FBXL17: variants seen among roughly 807,000 people sequenced by gnomAD.
FBXL17 encodes F-box/LRR-repeat protein 17.
A neutral mutation model predicts 66.2 loss-of-function variants in FBXL17; 22 were observed. The observed-to-expected ratio is 0.33, with a 90% CI of 0.24 to 0.47. The LOEUF (loss-of-function observed/expected upper bound fraction) is 0.47, where lower values mean the gene tolerates loss of function less well. FBXL17 is among the 20% of genes least tolerant of loss of function. The pLI is 1.00. For missense variants in FBXL17, 878 were observed against 948.2 expected, an observed-to-expected ratio of 0.93 and a Z score of 0.97; for synonymous variants, 474 against 400.5, an observed-to-expected ratio of 1.18 and a Z score of -2.19.
intron 7 of FBXL17, among the ~76,000 whole-genome samples, chr5:107,988,115 T>A (rs1753092845): frequency 6.6e-6 from 1 of 151,980 alleles, no homozygotes; most frequent in African/African-American, 2.4e-5. Flanking sequence ...TTTCTCATTT[T>A]AAAAAATATA....
chr5:108,039,838 A>G (rs1746981271), intron 6 of FBXL17, among the ~76,000 whole-genome samples: 1 of 152,154 alleles, frequency 6.6e-6, no homozygotes, highest in Admixed American at 6.5e-5. Context: ...GATGTTAGAA[A>G]ATGTAACAAA....
At chr5:108,297,069 C>A (rs1261966606) in intron 4 of FBXL17, among the ~76,000 whole-genome samples, 1 of 151,296 alleles carries the variant, frequency 6.6e-6, no homozygotes, top group Non-Finnish European at 1.5e-5. Flanking sequence ...ATATAAATCA[C>A]CTAACCTTCT....
rs774020789 is a variant in FBXL17 at position 107,880,926 on chromosome 5, A to C, written c.1965+111T>G. Reference sequence around the variant, plus strand: ...TTGCATATATACATATAAAATGTATATATAATATATAATACACGGGGGTGG... The same window carrying C: ...TTGCATATATACATATAAAATGTATCTATAATATATAATACACGGGGGTGG... On this transcript the variant is annotated intron_variant, in intron 8 of 8. Coordinates refer to ENST00000542267, the MANE Select transcript of FBXL17 (RefSeq NM_001163315.3). 22 of 1,534,584 alleles carry C rather than the reference A, an allele frequency of 1.4e-5. No homozygotes were observed. The East Asian group carries it at 5.1e-4, about 36-fold the overall frequency.
chr5:107,918,312 C>T (rs1209482828), intron 7 of FBXL17, among the ~76,000 whole-genome samples: 2 of 152,162 alleles, frequency 1.3e-5, no homozygotes, highest in Non-Finnish European at 2.9e-5. Context: ...CTTGGACAGT[C>T]GTAACCCAGT....
chr5:107,947,193 G>A (rs1419815960), intron 7 of FBXL17, among the ~76,000 whole-genome samples: 2 of 152,110 alleles, frequency 1.3e-5, no homozygotes, highest in African/African-American at 2.4e-5. Flanking sequence ...GGCCTTTACC[G>A]CGGCATTGCT....
chr5:108,286,664 G>C (rs192588146), intron 4 of FBXL17, among the ~76,000 whole-genome samples: 2 of 151,916 alleles, frequency 1.3e-5, no homozygotes, highest in East Asian at 1.9e-4. Context: ...AACATTCCAT[G>C]CTCATAGTTA....
intron 4 of FBXL17, among the ~76,000 whole-genome samples, chr5:108,340,094 T>C (rs934576079): frequency 2.7e-5 from 4 of 150,300 alleles, no homozygotes; most frequent in African/African-American, 9.8e-5. Context: ...TGATAGAATA[T>C]AATCCACTTA....
intron 4 of FBXL17, among the ~76,000 whole-genome samples, chr5:108,322,935 T>C (rs1010565914): frequency 3.9e-5 from 6 of 151,972 alleles, no homozygotes; most frequent in African/African-American, 1.4e-4. Flanking sequence ...GTATAATGTG[T>C]ACATTGGATG....
At chr5:108,235,553 C>T (rs765531141) in intron 4 of FBXL17, among the ~76,000 whole-genome samples, 8 of 152,198 alleles carry the variant, frequency 5.3e-5, no homozygotes, top group Non-Finnish European at 1.2e-4. Context: ...TTCCACTCAT[C>T]AAGTCAGAGT....
chr5:108,018,860 C>A (rs1754481550), intron 7 of FBXL17, among the ~76,000 whole-genome samples: 1 of 152,060 alleles, frequency 6.6e-6, no homozygotes, highest in African/African-American at 2.4e-5. Flanking sequence ...ACTGGTTGGG[C>A]CCCATTTCAT....
At chr5:108,081,762 T>C (rs1470648530) in intron 6 of FBXL17, among the ~76,000 whole-genome samples, 1 of 152,028 alleles carries the variant, frequency 6.6e-6, no homozygotes, top group Non-Finnish European at 1.5e-5. Flanking sequence ...AGTAACAGGA[T>C]CTCCTTACAA....
At chr5:108,049,084 G>A (rs1416828581) in intron 6 of FBXL17, among the ~76,000 whole-genome samples, 4 of 152,196 alleles carry the variant, frequency 2.6e-5, no homozygotes, top group Non-Finnish European at 5.9e-5. Flanking sequence ...AAGCCCATCA[G>A]ACTAACAGCA....
chr5:108,263,539 T>G (rs1288133293), intron 4 of FBXL17, among the ~76,000 whole-genome samples: 1 of 152,170 alleles, frequency 6.6e-6, no homozygotes, highest in Non-Finnish European at 1.5e-5. Flanking sequence ...TCCCTAAACT[T>G]TATTACATTT....
At chr5:108,230,569 G>T (rs1755287263) in intron 4 of FBXL17, among the ~76,000 whole-genome samples, 1 of 152,134 alleles carries the variant, frequency 6.6e-6, no homozygotes, top group Non-Finnish European at 1.5e-5. Flanking sequence ...GAGACTCAGA[G>T]GAAAGGGTAG....
intron 4 of FBXL17, among the ~76,000 whole-genome samples, chr5:108,242,800 A>C (rs1755919776): frequency 6.6e-6 from 1 of 152,142 alleles, no homozygotes; most frequent in Non-Finnish European, 1.5e-5. Context: ...AAAAATCATA[A>C]CCATAATACC....
intron 6 of FBXL17, among the ~76,000 whole-genome samples, chr5:108,120,244 C>T (rs1048389337): frequency 1.3e-5 from 2 of 152,098 alleles, no homozygotes; most frequent in African/African-American, 4.8e-5. Flanking sequence ...TAGCAAAGCA[C>T]CACTTATTAT....
In FBXL17 at chr5:107,880,799, CT is replaced by C. The variant is rs565784232; in HGVS notation, c.1965+237del. 555 of 1,350,498 alleles carry C rather than the reference CT, an allele frequency of 4.1e-4. 7 individuals are homozygous for C. The South Asian group carries it at 0.012, about 29-fold the overall frequency. 83.7% of individuals were successfully genotyped at this position (1,350,498 alleles called of 1,614,324 possible). ...CTCTAGTTGACTATGTATATGATTA[CT>C]TTTTCTTTCTACTTAAGCACAAAAT... On this transcript the variant is annotated intron_variant, in intron 8 of 8. Transcript: ENST00000542267.
intron 8 of FBXL17, among the ~76,000 whole-genome samples, chr5:107,871,884 A>T (rs1035343140): frequency 6.6e-6 from 1 of 152,164 alleles, no homozygotes; most frequent in African/African-American, 2.4e-5. Flanking sequence ...AAGCTGAAAA[A>T]CATAATTGAG....
chr5:108,298,377 C>G, intron 4 of FBXL17: 1 of 981,398 alleles, frequency 1.0e-6, no homozygotes, highest in Non-Finnish European at 1.2e-6. Context: ...TTATTTCTTT[C>G]TACTCCACCA....
Sources: gnomAD v4.1 joint callset for allele counts (sites outside exome capture counted in the v4.1 genomes callset) on GRCh38, gnomAD v4.1.1 for gene constraint, MANE v1.5 for transcripts, NCBI Gene and HGNC (gene_info 2026-07-23, HGNC 2026-07-21) for gene names.